Variants in GPC6 observed in about 807,000 individuals in gnomAD.
The protein encoded by GPC6 is glypican-6.
In GPC6, 14 loss-of-function variants were observed where a neutral mutation model predicts 55.2. The ratio of observed to expected loss-of-function variants is 0.25; its 90% CI spans 0.17 to 0.40. The LOEUF (loss-of-function observed/expected upper bound fraction) is 0.40, where lower values mean the gene tolerates loss of function less well. Ranked by LOEUF, GPC6 falls within the 10% of genes least tolerant of loss-of-function variation. The pLI is 1.00. For synonymous variants in GPC6, 278 were observed against 259.6 expected (o/e 1.07, Z -0.68); for missense variants, 641 against 708.5 (o/e 0.90, Z 1.08).
chr13:93,259,505 G>A (rs1011385546), intron 1 of GPC6, among the ~76,000 whole-genome samples: 1 of 151,984 alleles, frequency 6.6e-6, no homozygotes, highest in Non-Finnish European at 1.5e-5. Context: ...GCTTTATTTT[G>A]TATACTGATA....
chr13:93,705,283 A>C (rs2138800525), intron 2 of GPC6, among the ~76,000 whole-genome samples: 1 of 152,042 alleles, frequency 6.6e-6, no homozygotes, highest in Non-Finnish European at 1.5e-5. Flanking sequence ...TAGTTTGCAA[A>C]CCAATGCTCT....
intron 4 of GPC6, among the ~76,000 whole-genome samples, chr13:94,272,206 G>A (rs1172358173): frequency 2.0e-5 from 3 of 151,932 alleles, no homozygotes; most frequent in Admixed American, 6.5e-5. Flanking sequence ...CAACACACCC[G>A]ACTTTTCATT....
intron 4 of GPC6, among the ~76,000 whole-genome samples, chr13:94,231,424 G>A (rs1339970981): frequency 6.6e-6 from 1 of 152,094 alleles, no homozygotes; most frequent in Non-Finnish European, 1.5e-5. Context: ...CCGTGTCATC[G>A]CCTCTCATAA....
chr13:93,491,619 G>A (rs1414115490), intron 1 of GPC6, among the ~76,000 whole-genome samples: 15 of 144,818 alleles, frequency 1.0e-4, no homozygotes, highest in Non-Finnish European at 1.5e-4. Context: ...GAATGGTAAT[G>A]CCTAGGTTTT....
chr13:93,840,560 G>GT (rs61512294), intron 3 of GPC6, among the ~76,000 whole-genome samples: 101,499 of 151,822 alleles, frequency 0.67, 34,564 homozygotes, highest in East Asian at 0.81. Context: ...TTGTTGATAT[G>GT]TTGGGTTTAC....
chr13:93,851,491 A>C (rs1244678869), intron 3 of GPC6, among the ~76,000 whole-genome samples: 3 of 151,894 alleles, frequency 2.0e-5, no homozygotes, highest in African/African-American at 7.2e-5. Flanking sequence ...GTGATCACAA[A>C]TGAAGTCAGC....
rs1185647451 is a variant in GPC6, at chr13:93,295,114, A to AG, written c.160+67498_160+67499insG. Among the ~76,000 whole-genome samples the AG allele has an allele frequency of 6.2e-4, 91 of 146,352 alleles. 2 individuals carry two copies. The highest frequency in any genetic ancestry group is 2.7e-3 in the Admixed American group (40 of 14,600). Reference sequence around the variant, plus strand: ...ATGAGGAAACTCTGTCTCTGCAAAAAAAAAAAAAAAAAAAAAAAATACAAA... The same window carrying AG: ...ATGAGGAAACTCTGTCTCTGCAAAAAGAAAAAAAAAAAAAAAAAAATACAAA... On this transcript the variant is annotated intron_variant, in intron 1 of 8. Transcript: ENST00000377047.
intron 6 of GPC6, among the ~76,000 whole-genome samples, chr13:94,309,236 C>T (rs535270225): frequency 6.6e-6 from 1 of 152,302 alleles, no homozygotes; most frequent in South Asian, 2.1e-4. Flanking sequence ...CACCCCACCC[C>T]TTTTGCCAAA....
intron 4 of GPC6, among the ~76,000 whole-genome samples, chr13:94,248,531 A>G (rs1375459775): frequency 1.3e-5 from 2 of 152,050 alleles, no homozygotes; most frequent in Non-Finnish European, 2.9e-5. Flanking sequence ...AAAATTTCCC[A>G]TAAATATCAC....
intron 2 of GPC6, among the ~76,000 whole-genome samples, chr13:93,627,709 C>T (rs1188580285): frequency 1.3e-5 from 2 of 152,148 alleles, no homozygotes; most frequent in East Asian, 3.8e-4. Flanking sequence ...TTCTCTGTTA[C>T]TGATAAAAAT....
intron 1 of GPC6, among the ~76,000 whole-genome samples, chr13:93,241,881 C>A (rs893580511): frequency 6.6e-6 from 1 of 151,236 alleles, no homozygotes; most frequent in Non-Finnish European, 1.5e-5. Context: ...TTTATGATTC[C>A]CTAGCTTTGG....
intron 4 of GPC6, among the ~76,000 whole-genome samples, chr13:94,176,081 T>C (rs1292971337): frequency 6.6e-6 from 1 of 151,872 alleles, no homozygotes. Context: ...TCTTTATATA[T>C]CCTGGAAATA....
intron 3 of GPC6, among the ~76,000 whole-genome samples, chr13:93,972,775 A>T (rs1357945905): frequency 6.6e-6 from 1 of 152,152 alleles, no homozygotes; most frequent in Non-Finnish European, 1.5e-5. Flanking sequence ...CCCCAATGAG[A>T]TGCAAATTCC....
chr13:93,788,590 G>A (rs1885889957), intron 2 of GPC6, among the ~76,000 whole-genome samples: 1 of 151,292 alleles, frequency 6.6e-6, no homozygotes, highest in South Asian at 2.1e-4. Flanking sequence ...ATTGCTTTTT[G>A]TGTAAACCTC....
chr13:94,222,672 T>C lies in GPC6; in HGVS notation c.878-63677T>C, dbSNP rs1194449638. Reference sequence around the variant, plus strand: ...CCTGTGCCTGGATCTCCTTATTCAATAGATATTATGTAACTAGACTATGAA... The same window carrying C: ...CCTGTGCCTGGATCTCCTTATTCAACAGATATTATGTAACTAGACTATGAA... On this transcript the variant is annotated intron_variant, in intron 4 of 8. Coordinates refer to ENST00000377047, the MANE Select transcript of GPC6 (RefSeq NM_005708.5). 2.0e-5 allele frequency among the ~76,000 whole-genome samples: 3 copies of C among 152,244 alleles called. No individual in the cohort carries two copies. The East Asian group carries it at 5.8e-4, about 29-fold the overall frequency.
intron 4 of GPC6, among the ~76,000 whole-genome samples, chr13:94,217,639 C>T (rs911701145): frequency 6.6e-6 from 1 of 152,108 alleles, no homozygotes; most frequent in African/African-American, 2.4e-5. Context: ...AAAATTCAAG[C>T]TCAAACTATG....
chr13:93,489,064 G>C (rs1299522112), intron 1 of GPC6, among the ~76,000 whole-genome samples: 1 of 151,432 alleles, frequency 6.6e-6, no homozygotes, highest in African/African-American at 2.4e-5. Context: ...GTCCTGAATT[G>C]TATTGCCTAG....
intron 2 of GPC6, among the ~76,000 whole-genome samples, chr13:93,695,548 A>C (rs892856446): frequency 6.6e-6 from 1 of 152,058 alleles, no homozygotes; most frequent in Non-Finnish European, 1.5e-5. Flanking sequence ...TTATAAATAC[A>C]CTTTTGTTTT....
intron 3 of GPC6, among the ~76,000 whole-genome samples, chr13:93,848,699 C>G (rs1418765401): frequency 6.6e-6 from 1 of 152,076 alleles, no homozygotes; most frequent in Non-Finnish European, 1.5e-5. Context: ...CGCAGCCTTG[C>G]CTTTAAGTCT....
Sources: gnomAD v4.1 joint callset for allele counts (sites outside exome capture counted in the v4.1 genomes callset) on GRCh38, gnomAD v4.1.1 for gene constraint, MANE v1.5 for transcripts, NCBI Gene and HGNC (gene_info 2026-07-23, HGNC 2026-07-21) for gene names.